The following PLEKHA7 variants were observed in gnomAD, a reference collection of about 807,000 sequenced individuals.
PLEKHA7 encodes the protein pleckstrin homology domain-containing family A member 7.
PLEKHA7 carries 104 observed loss-of-function variants against 170.0 expected under a neutral mutation model. The ratio of observed to expected loss-of-function variants is 0.61; its 90% CI spans 0.52 to 0.72. The LOEUF is 0.72. PLEKHA7 is among the 30% of genes least tolerant of loss of function. PLEKHA7 has a pLI of 0.00. For missense variants in PLEKHA7, 1,615 were observed against 1,671.7 expected (o/e 0.97, Z 0.59); for synonymous variants, 648 against 660.8 (o/e 0.98, Z 0.30).
chr11:16,781,665 GA>G (rs1483117624), intron 26 of PLEKHA7, among the ~76,000 whole-genome samples: 1 of 152,180 alleles, frequency 6.6e-6, no homozygotes, highest in Non-Finnish European at 1.5e-5. Flanking sequence ...GGCTGTGGGG[GA>G]CAGAGAACAG....
chr11:16,966,272 A>C (rs911582508), intron 3 of PLEKHA7, among the ~76,000 whole-genome samples: 1 of 150,040 alleles, frequency 6.7e-6, no homozygotes, highest in Non-Finnish European at 1.5e-5. Flanking sequence ...ATGGGACTGG[A>C]GGCATGGTTG....
intron 10 of PLEKHA7, among the ~76,000 whole-genome samples, chr11:16,824,885 C>T (rs1324339843): frequency 2.6e-5 from 4 of 152,328 alleles, no homozygotes; most frequent in East Asian, 3.9e-4. Flanking sequence ...CTACCAGGGG[C>T]CTACTTAGGC....
intron 10 of PLEKHA7, among the ~76,000 whole-genome samples, chr11:16,824,427 T>C (rs1160638890): frequency 6.6e-6 from 1 of 152,118 alleles, no homozygotes; most frequent in African/African-American, 2.4e-5. Context: ...CACAAAGAAA[T>C]GATAAATGCC....
In PLEKHA7 at chr11:16,794,592, G is replaced by A. The variant is rs1403935213; in HGVS notation, c.2641C>T (p.Leu881Phe). The A allele has an allele frequency of 1.9e-6, 3 of 1,613,478 alleles. No homozygotes were observed. Among genetic ancestry groups the A allele is most frequent in the Non-Finnish European group, 2.5e-6 (3 of 1,179,696 alleles). ...SPVRTPLEVRLFPQLQTYVPY... is the reference protein window; with the variant it reads ...SPVRTPLEVRFFPQLQTYVPY... ...ACGTAGGTTTGCAGCTGGGGGAAGA[G>A]TCGAACCTCCAGAGGGGTCCGCACA... Residue 881 changes from leucine (L) to phenylalanine (F), a missense_variant, in exon 19 of 27, where the codon CTC becomes TTC. Physicochemically the swap from Leu to Phe is conservative, Grantham distance 22. Transcript: ENST00000531066.
At chr11:16,957,860 C>T (rs1198885239) in intron 3 of PLEKHA7, among the ~76,000 whole-genome samples, 3 of 151,726 alleles carry the variant, frequency 2.0e-5, no homozygotes, top group African/African-American at 4.8e-5. Context: ...TGCACCACCA[C>T]GCCCGGCTAA....
At chr11:17,005,057 C>T (rs1012457810) in intron 3 of PLEKHA7, among the ~76,000 whole-genome samples, 3 of 152,206 alleles carry the variant, frequency 2.0e-5, no homozygotes, top group Non-Finnish European at 4.4e-5. Flanking sequence ...AAATATTCCA[C>T]ATATTGAGGC....
At chr11:16,939,234 GAA>G (rs1268727736) in intron 3 of PLEKHA7, among the ~76,000 whole-genome samples, 3 of 152,104 alleles carry the variant, frequency 2.0e-5, no homozygotes, top group Non-Finnish European at 4.4e-5. Flanking sequence ...CCGACATGGT[GAA>G]ACCCTGTCTC....
chr11:16,838,688 GTTTTC>G (rs1167750714), intron 9 of PLEKHA7, among the ~76,000 whole-genome samples: 1 of 113,664 alleles, frequency 8.8e-6, no homozygotes, highest in South Asian at 3.0e-4. Context: ...GAAATACACA[GTTTTC>G]TTTTTTTTTT....
intron 3 of PLEKHA7, among the ~76,000 whole-genome samples, chr11:16,974,038 T>C (rs978966229): frequency 1.3e-5 from 2 of 152,234 alleles, no homozygotes; most frequent in Non-Finnish European, 2.9e-5. Flanking sequence ...ACAAGCACAT[T>C]TTTCATTTTT....
chr11:16,783,691 A>C lies in PLEKHA7; in HGVS notation c.3650+9T>G. 7.0e-6 allele frequency: 10 copies of C among 1,432,036 alleles called. No homozygotes were observed. Among genetic ancestry groups the C allele is most frequent in the Non-Finnish European group, 9.1e-6 (10 of 1,093,190 alleles). The allele number at this position is 1,432,036 out of a possible 1,614,324, so 88.7% of individuals were successfully genotyped here. ...TGACCTGCCAACACTTGAGCAAGCG[A>C]GGGCTGACCTTGACCGGGCGAGGAT... On this transcript the variant is annotated intron_variant, in intron 25 of 26. Coordinates refer to ENST00000531066, the MANE Select transcript of PLEKHA7 (RefSeq NM_001329630.2).
At chr11:16,987,638 A>AC (rs1461351633) in intron 3 of PLEKHA7, among the ~76,000 whole-genome samples, 3 of 151,836 alleles carry the variant, frequency 2.0e-5, no homozygotes, top group Non-Finnish European at 4.4e-5. Context: ...TCCTTACCCC[A>AC]CCCCTTTAAA....
At chr11:16,813,979 C>T (rs1416675032) in intron 12 of PLEKHA7, among the ~76,000 whole-genome samples, 1 of 152,232 alleles carries the variant, frequency 6.6e-6, no homozygotes, top group East Asian at 1.9e-4. Flanking sequence ...AATCCAGGCA[C>T]CATCTTCTCA....
chr11:16,863,728 A>G (rs1485340160), intron 4 of PLEKHA7, among the ~76,000 whole-genome samples: 1 of 152,130 alleles, frequency 6.6e-6, no homozygotes, highest in East Asian at 1.9e-4. Context: ...CACGGGCACC[A>G]AACATCAAAA....
At chr11:16,781,608 G>C (rs757636196) in intron 26 of PLEKHA7, among the ~76,000 whole-genome samples, 4 of 152,200 alleles carry the variant, frequency 2.6e-5, no homozygotes, top group Admixed American at 1.3e-4. Flanking sequence ...GCATGTGCTC[G>C]AAGGGACAGA....
intron 3 of PLEKHA7, among the ~76,000 whole-genome samples, chr11:16,988,944 A>G (rs552348745): frequency 6.6e-6 from 1 of 152,134 alleles, no homozygotes; most frequent in East Asian, 1.9e-4. Flanking sequence ...CATGTAAAAT[A>G]CCCCCAGTTC....
At chr11:16,795,072 T>C in intron 17 of PLEKHA7, 54 bp from the exon 18 acceptor site, 5 of 1,274,228 alleles carry the variant, frequency 3.9e-6, no homozygotes, top group Middle Eastern at 1.8e-4. Context: ...AAGTTTCTTC[T>C]TAGGACTTAT....
chr11:16,783,756 C>G lies in PLEKHA7; in HGVS notation c.3594G>C (p.Glu1198Asp), dbSNP rs550961903. The change falls in exon 25 of 27, where the codon GAG (glutamate) becomes GAC (aspartate). Residue 1198 changes from glutamate to aspartate, a missense_variant. Glu to Asp is a conservative substitution (Grantham distance 45, BLOSUM62 2). Coordinates refer to ENST00000531066, the MANE Select transcript of PLEKHA7 (RefSeq NM_001329630.2). ...CGGCTTTGCGGTACCGCGCCTGCAGCTCCTCAAGGCTGGGTGGCTCTTCGG... is the reference window on the plus strand; with the variant it reads ...CGGCTTTGCGGTACCGCGCCTGCAGGTCCTCAAGGCTGGGTGGCTCTTCGG... ...LDPEEPPSLE[E>D]LQARYRKAEK... 21 of 1,511,024 alleles carry G rather than the reference C, an allele frequency of 1.4e-5. 1 individual carries two copies. In the South Asian group the frequency reaches 2.6e-4, roughly 19 times the overall value. The allele number at this position is 1,511,024 out of a possible 1,614,324, so 93.6% of individuals were successfully genotyped here.
intron 3 of PLEKHA7, among the ~76,000 whole-genome samples, chr11:17,004,710 G>T (rs916365511): frequency 5.3e-5 from 8 of 151,946 alleles, no homozygotes; most frequent in Non-Finnish European, 1.2e-4. Context: ...CAACTTTAGA[G>T]AAGTCACTTT....
chr11:16,855,210 T>C (rs541858355), intron 5 of PLEKHA7, among the ~76,000 whole-genome samples: 9 of 152,040 alleles, frequency 5.9e-5, no homozygotes, highest in African/African-American at 2.2e-4. Context: ...CCCAGCTGGG[T>C]CACTGAAAAA....
Sources: gnomAD v4.1 joint callset for allele counts (sites outside exome capture counted in the v4.1 genomes callset) on GRCh38, gnomAD v4.1.1 for gene constraint, MANE v1.5 for transcripts, NCBI Gene and HGNC (gene_info 2026-07-23, HGNC 2026-07-21) for gene names.